Variants in CORIN observed in about 807,000 individuals in gnomAD.
CORIN encodes atrial natriuretic peptide-converting enzyme.
Under a neutral mutation model 125.3 loss-of-function variants are expected in CORIN, and 117 were observed. The ratio of observed to expected loss-of-function variants is 0.93; its 90% CI spans 0.80 to 1.09. CORIN has a LOEUF of 1.09. Among genes scored for constraint, CORIN ranks in the 50% least tolerant of loss-of-function variants. The pLI is 0.00. For missense variants in CORIN, 1,253 were observed against 1,306.7 expected, an observed-to-expected ratio of 0.96 and a Z score of 0.63; for synonymous variants, 450 against 466.4, an observed-to-expected ratio of 0.96 and a Z score of 0.45.
chr4:47,786,927 T>C lies in CORIN; in HGVS notation c.209-2A>G, dbSNP rs200693819. The C allele has an allele frequency of 1.3e-6, 2 of 1,598,174 alleles. No individual in the cohort carries two copies. The highest frequency in any genetic ancestry group is 2.2e-5 in the East Asian group (1 of 44,786). On this transcript the variant is annotated splice_acceptor_variant, in intron 2 of 21. Coordinates refer to ENST00000273857, the MANE Select transcript of CORIN (RefSeq NM_006587.4). LOFTEE classifies it high-confidence loss of function. ...TAAAATAGACCTTTTGTAATGTTCC[T>C]GAAAGACAAAAACAAACACAAAAAA...
intron 1 of CORIN, among the ~76,000 whole-genome samples, chr4:47,828,934 G>A (rs748322434): frequency 7.2e-5 from 11 of 151,904 alleles, no homozygotes; most frequent in South Asian, 2.1e-4. Context: ...CGAGGCGGAC[G>A]GATCACGAGG....
chr4:47,727,612 C>G (rs573027899), intron 5 of CORIN, among the ~76,000 whole-genome samples: 4 of 151,892 alleles, frequency 2.6e-5, no homozygotes, highest in Admixed American at 2.6e-4. Flanking sequence ...ATAATCTAAG[C>G]ATTAAAAAGA....
At chr4:47,628,234 G>A (rs746282292) in intron 16 of CORIN, among the ~76,000 whole-genome samples, 2 of 152,084 alleles carry the variant, frequency 1.3e-5, no homozygotes, top group Non-Finnish European at 2.9e-5. Flanking sequence ...GAATTTGTTT[G>A]GTTGTATTTC....
intron 5 of CORIN, among the ~76,000 whole-genome samples, chr4:47,722,381 T>C (rs1334044344): frequency 6.6e-6 from 1 of 152,260 alleles, no homozygotes; most frequent in Non-Finnish European, 1.5e-5. Context: ...TAACGTCCTT[T>C]CTTACCGCCC....
chr4:47,620,365 G>C (rs949769814), intron 19 of CORIN, among the ~76,000 whole-genome samples: 5 of 152,178 alleles, frequency 3.3e-5, no homozygotes, highest in Non-Finnish European at 7.3e-5. Context: ...TCTATAGATA[G>C]AATATTATTT....
intron 4 of CORIN, among the ~76,000 whole-genome samples, chr4:47,763,048 C>T (rs1336372273): frequency 6.6e-6 from 1 of 152,150 alleles, no homozygotes; most frequent in African/African-American, 2.4e-5. Flanking sequence ...GTTCTCTTAA[C>T]CCTGCCCACA....
At chr4:47,669,786 G>C (rs914293392) in intron 10 of CORIN, among the ~76,000 whole-genome samples, 1 of 152,038 alleles carries the variant, frequency 6.6e-6, no homozygotes, top group African/African-American at 2.4e-5. Flanking sequence ...AGCCAGGATG[G>C]TCTCAATTTC....
chr4:47,615,136 A>G (rs1294694922), intron 19 of CORIN, among the ~76,000 whole-genome samples: 1 of 152,184 alleles, frequency 6.6e-6, no homozygotes, highest in African/African-American at 2.4e-5. Flanking sequence ...AGCTTGGAGG[A>G]TTTCAGGAGC....
At chr4:47,649,362 G>A (rs1560488496) in intron 13 of CORIN, among the ~76,000 whole-genome samples, 2 of 152,200 alleles carry the variant, frequency 1.3e-5, no homozygotes, top group African/African-American at 4.8e-5. Context: ...CCATGCTTTA[G>A]CCTGACAGAC....
intron 10 of CORIN, among the ~76,000 whole-genome samples, chr4:47,671,356 T>C (rs1724749766): frequency 6.6e-6 from 1 of 152,150 alleles, no homozygotes; most frequent in East Asian, 1.9e-4. Flanking sequence ...GACTAAGAAA[T>C]TACTGTTCAT....
intron 19 of CORIN, among the ~76,000 whole-genome samples, chr4:47,615,582 G>C (rs919949525): frequency 6.6e-6 from 1 of 152,120 alleles, no homozygotes; most frequent in Non-Finnish European, 1.5e-5. Context: ...GTATAATGCC[G>C]GCAGGCACAC....
chr4:47,630,065 G>GTTACAAA (rs1331650917), intron 16 of CORIN, among the ~76,000 whole-genome samples: 7 of 152,278 alleles, frequency 4.6e-5, no homozygotes, highest in African/African-American at 1.7e-4. Context: ...TTACATGGAT[G>GTTACAAA]TTCATACATT....
At chr4:47,782,167 T>G (rs1730581729) in intron 3 of CORIN, among the ~76,000 whole-genome samples, 1 of 151,582 alleles carries the variant, frequency 6.6e-6, no homozygotes, top group Admixed American at 6.6e-5. Flanking sequence ...GGCAGATCAC[T>G]TGAGGTCAGG....
At chr4:47,830,384 C>G (rs1732929332) in intron 1 of CORIN, among the ~76,000 whole-genome samples, 1 of 152,168 alleles carries the variant, frequency 6.6e-6, no homozygotes, top group Admixed American at 6.5e-5. Context: ...GGTTCTGAAA[C>G]TAATGGCAGA....
At chr4:47,740,305 C>A (rs988815573) in intron 5 of CORIN, among the ~76,000 whole-genome samples, 2 of 151,778 alleles carry the variant, frequency 1.3e-5, no homozygotes, top group African/African-American at 4.8e-5. Flanking sequence ...ATTGGTTTAT[C>A]GTGCTTTGTA....
intron 21 of CORIN, among the ~76,000 whole-genome samples, chr4:47,596,302 C>T (rs950505414): frequency 6.6e-6 from 1 of 152,076 alleles, no homozygotes; most frequent in Non-Finnish European, 1.5e-5. Flanking sequence ...GAATAAAGAT[C>T]CCCCCCACAC....
chr4:47,648,390 C>A (rs1369254737), intron 13 of CORIN, among the ~76,000 whole-genome samples: 1 of 152,196 alleles, frequency 6.6e-6, no homozygotes, highest in Non-Finnish European at 1.5e-5. Flanking sequence ...GATTTGAGCA[C>A]AAAGTGTCCC....
intron 2 of CORIN, among the ~76,000 whole-genome samples, chr4:47,801,766 C>G (rs2109942956): frequency 6.6e-6 from 1 of 152,346 alleles, no homozygotes; most frequent in South Asian, 2.1e-4. Flanking sequence ...TCCAGCGAGC[C>G]TCACCACTGC....
chr4:47,623,117 T>TATATATATATACACACAC (rs141525347), intron 19 of CORIN, among the ~76,000 whole-genome samples: 3 of 134,516 alleles, frequency 2.2e-5, no homozygotes, highest in African/African-American at 6.2e-5. Context: ...TATATATATA[T>TATATATATATACACACAC]ACACACACAC....
Sources: allele counts gnomAD v4.1 joint callset (sites outside exome capture counted in the v4.1 genomes callset), GRCh38; gene constraint gnomAD v4.1.1; transcripts MANE v1.5; gene names NCBI Gene and HGNC (gene_info 2026-07-23, HGNC 2026-07-21).